The following HDAC4 variants were observed in gnomAD, a reference collection of about 807,000 sequenced individuals.
HDAC4 encodes the protein histone deacetylase 4, also known as histone deacetylase A.
HDAC4 carries 16 observed loss-of-function variants against 135.1 expected under a neutral mutation model. The observed-to-expected ratio is 0.12, with a 90% CI of 0.08 to 0.18. The LOEUF is 0.18. Ranked by LOEUF, HDAC4 falls within the 10% of genes least tolerant of loss-of-function variation. The pLI is 1.00. For synonymous variants in HDAC4, 685 were observed against 653.4 expected (o/e 1.05, Z -0.74); for missense variants, 1,143 against 1,511.8 (o/e 0.76, Z 4.05).
chr2:239,345,548 T>A lies in HDAC4; in HGVS notation c.22+7130A>T, dbSNP rs1325242600. On this transcript the variant is annotated intron_variant, in intron 2 of 26. Coordinates refer to ENST00000543185, the MANE Select transcript of HDAC4 (RefSeq NM_001378414.1). Reference sequence around the variant, plus strand: ...CAGCCTGGGCGACAGCAAGACCCTGTCTAACACACACACACACACCCAACA... The same window carrying A: ...CAGCCTGGGCGACAGCAAGACCCTGACTAACACACACACACACACCCAACA... Among the ~76,000 whole-genome samples, 5 of 151,540 alleles carry A rather than the reference T, an allele frequency of 3.3e-5. No individual in the cohort carries two copies. In the East Asian group the frequency reaches 9.7e-4, roughly 29 times the overall value.
intron 6 of HDAC4, among the ~76,000 whole-genome samples, chr2:239,159,553 G>A (rs2042655683): frequency 1.4e-5 from 2 of 138,060 alleles, no homozygotes; most frequent in Non-Finnish European, 3.1e-5. Flanking sequence ...ACACACACCC[G>A]CATCTCACAC....
chr2:239,195,831 G>A (rs892804093), intron 3 of HDAC4, among the ~76,000 whole-genome samples: 17 of 152,336 alleles, frequency 1.1e-4, no homozygotes, highest in South Asian at 4.1e-4. Flanking sequence ...AGTCCAATGG[G>A]AGACGGTCAG....
intron 2 of HDAC4, among the ~76,000 whole-genome samples, chr2:239,345,733 T>TA (rs1336905454): frequency 7.5e-6 from 1 of 133,642 alleles, no homozygotes; most frequent in Non-Finnish European, 1.6e-5. Flanking sequence ...CTAACACACA[T>TA]ACACACCGTC....
chr2:239,298,863 ATTTTTTT>A (rs35449811), intron 2 of HDAC4, among the ~76,000 whole-genome samples: 1 of 82,988 alleles, frequency 1.2e-5, no homozygotes, highest in African/African-American at 5.1e-5. Context: ...GCCATAGCCT[ATTTTTTT>A]TTTTTTTTTT....
chr2:239,113,389 G>T (rs566134191), intron 13 of HDAC4, among the ~76,000 whole-genome samples: 2 of 152,214 alleles, frequency 1.3e-5, no homozygotes, highest in African/African-American at 4.8e-5. Flanking sequence ...ACCAAATTCA[G>T]CTGGGATTGC....
Position 239,107,104 on chromosome 2 carries a change from T to C in HDAC4, c.2112+946A>G, listed in dbSNP as rs2038213353. On this transcript the variant is annotated intron_variant, in intron 15 of 26. Coordinates refer to ENST00000543185, the MANE Select transcript of HDAC4 (RefSeq NM_001378414.1). ...CCCAGACGGGAGTCTCTTCTCTTCC[T>C]GCCCTCGCTATCAGCAGGGCCTGGC... Among the ~76,000 whole-genome samples the C allele has an allele frequency of 2.6e-5, 4 of 152,340 alleles. No individual in the cohort carries two copies. In the South Asian group the frequency reaches 8.3e-4, roughly 32 times the overall value.
rs540164527 is a variant in HDAC4 at position 239,097,201 on chromosome 2, C to A, written c.2234-2145G>T. ...CCTGGCTCCAAGGGCAGGGTCTGTG[C>A]CCGCCTTGTCCCTCCTCCCTGCCTG... is the stretch of plus-strand genomic sequence containing the variant. On this transcript the variant is annotated intron_variant, in intron 16 of 26. Transcript: ENST00000543185. Among the ~76,000 whole-genome samples the A allele has an allele frequency of 4.6e-5, 7 of 152,362 alleles. No individual in the cohort carries two copies. In the South Asian group the frequency reaches 1.4e-3, roughly 32 times the overall value.
In HDAC4 at chr2:239,139,940, A is replaced by G. The variant is rs2152901286; in HGVS notation, c.866-144T>C. 1.6e-6 allele frequency: 1 copy of G among 636,834 alleles called. No individual in the cohort carries two copies. The highest frequency in any genetic ancestry group is 2.8e-6 in the Non-Finnish European group (1 of 361,488). The allele number at this position is 636,834 out of a possible 1,614,324, so 39.4% of individuals were successfully genotyped here. ...AAGTCCCAACAAAAAGAACATGGCCATGGTTTCAAAAAAGAAAGTATGATG... is the reference window on the plus strand; with the variant it reads ...AAGTCCCAACAAAAAGAACATGGCCGTGGTTTCAAAAAAGAAAGTATGATG... On this transcript the variant is annotated intron_variant, in intron 8 of 26. Transcript: ENST00000543185. This position sits in a 1 kb window ranked among gnomAD's most constrained non-coding sequence, Gnocchi z 5.3.
chr2:239,386,776 C>T (rs11686355), intron 1 of HDAC4, among the ~76,000 whole-genome samples: 4,970 of 152,272 alleles, frequency 0.033, 144 homozygotes, highest in Non-Finnish European at 0.048. Flanking sequence ...TGGCCCTTGT[C>T]CAGAGACAGC....
rs1193062786 is a variant in HDAC4 at position 239,306,083 on chromosome 2, TTCA to T, written c.22+46592_22+46594del. Among the ~76,000 whole-genome samples the T allele has an allele frequency of 2.0e-5, 3 of 152,182 alleles. No individual in the cohort carries two copies. Among genetic ancestry groups the T allele is most frequent in the Non-Finnish European group, 4.4e-5 (3 of 68,040 alleles). ...AGAAACACTCTGCTTAAGTAACTAC[TTCA>T]TCACTCAAGGTCCCAAAGAATGCTG... On this transcript the variant is annotated intron_variant, in intron 2 of 26. Coordinates refer to ENST00000543185, the MANE Select transcript of HDAC4 (RefSeq NM_001378414.1). This position sits in a 1 kb window ranked among gnomAD's most constrained non-coding sequence, Gnocchi z 4.5.
In HDAC4 at chr2:239,285,701, A is replaced by G. The variant is rs1007051141; in HGVS notation, c.23-49037T>C. Among the ~76,000 whole-genome samples, 1 of 152,178 alleles carries G rather than the reference A, an allele frequency of 6.6e-6. No individual in the cohort carries two copies. The highest frequency in any genetic ancestry group is 2.1e-4 in the South Asian group (1 of 4,828). On this transcript the variant is annotated intron_variant, in intron 2 of 26. Coordinates refer to ENST00000543185, the MANE Select transcript of HDAC4 (RefSeq NM_001378414.1). The surrounding 1 kb of genome is among the most constrained non-coding windows in gnomAD (Gnocchi z 4.5). The stretch of plus-strand genomic sequence containing the variant: ...TACCTTCTGTCACACTGCTGGGCTC[A>G]CCAGCAGTAAGGAAACCCTCCAACA...
chr2:239,151,792 C>T (rs745338828), intron 7 of HDAC4, among the ~76,000 whole-genome samples: 5 of 152,318 alleles, frequency 3.3e-5, no homozygotes, highest in East Asian at 1.9e-4. Flanking sequence ...AGAGCCAGGA[C>T]AATCCATGGC....
At chr2:239,070,789 A>G (rs1459312392) in intron 22 of HDAC4, among the ~76,000 whole-genome samples, 2 of 152,240 alleles carry the variant, frequency 1.3e-5, no homozygotes, top group Admixed American at 6.5e-5. Flanking sequence ...AATTGAATTA[A>G]AAGATAAAAA....
chr2:239,325,334 A>G (rs1207658687), intron 2 of HDAC4, among the ~76,000 whole-genome samples: 3 of 152,246 alleles, frequency 2.0e-5, no homozygotes, highest in Non-Finnish European at 2.9e-5. Context: ...TGCAGATTAT[A>G]TATCTATAAC....
chr2:239,214,824 G>A (rs2046538279), intron 3 of HDAC4, among the ~76,000 whole-genome samples: 1 of 152,244 alleles, frequency 6.6e-6, no homozygotes, highest in Admixed American at 6.5e-5. Context: ...AGCTGCCAGT[G>A]CTGGCTGACA....
intron 11 of HDAC4, among the ~76,000 whole-genome samples, chr2:239,133,462 T>C (rs1485566801): frequency 6.6e-6 from 1 of 152,208 alleles, no homozygotes; most frequent in Admixed American, 6.5e-5. Flanking sequence ...GGTAGGTAGC[T>C]GCTCCCTCAT....
intron 11 of HDAC4, 21 bp from the exon 12 acceptor site, chr2:239,126,715 A>C (rs2040215671): frequency 1.2e-6 from 2 of 1,611,356 alleles, no homozygotes; most frequent in Non-Finnish European, 1.7e-6. Flanking sequence ...TTGGAGGAAG[A>C]AACAGCAGAG....
chr2:239,210,662 T>A (rs1278480024), intron 3 of HDAC4, among the ~76,000 whole-genome samples: 3 of 152,102 alleles, frequency 2.0e-5, no homozygotes, highest in Admixed American at 1.3e-4. Flanking sequence ...TGACACAAGG[T>A]CCCCTTTATA....
chr2:239,135,348 C>G (rs1484929003), intron 9 of HDAC4, among the ~76,000 whole-genome samples: 2 of 152,150 alleles, frequency 1.3e-5, no homozygotes, highest in Admixed American at 6.5e-5. Context: ...AGGGTCAGCA[C>G]AGAGAGCTTG....
Sources: gnomAD v4.1 joint callset for allele counts (sites outside exome capture counted in the v4.1 genomes callset) on GRCh38, gnomAD v4.1.1 for gene constraint, Gnocchi (gnomAD v3.1) non-coding constraint, MANE v1.5 for transcripts, NCBI Gene and HGNC (gene_info 2026-07-23, HGNC 2026-07-21) for gene names.